CLSTN2: variants seen among roughly 807,000 people sequenced by gnomAD.
CLSTN2 encodes calsyntenin-2.
Under a neutral mutation model 101.2 loss-of-function variants are expected in CLSTN2, and 48 were observed. The observed-to-expected ratio is 0.47, with a 90% CI of 0.38 to 0.60. The LOEUF is 0.60. Ranked by LOEUF, CLSTN2 falls within the 20% of genes least tolerant of loss-of-function variation. CLSTN2 has a pLI of 0.00. For synonymous variants in CLSTN2, 481 were observed against 463.6 expected (o/e 1.04, Z -0.48); for missense variants, 1,160 against 1,238.2 (o/e 0.94, Z 0.95).
intron 9 of CLSTN2, among the ~76,000 whole-genome samples, 173 bp downstream of exon 9, chr3:140,532,659 A>G (rs10513119): frequency 0.057 from 8,685 of 152,320 alleles, 419 homozygotes; most frequent in East Asian, 0.15. Context: ...AACTAAACGT[A>G]TTGTATAATA....
chr3:139,942,943 A>G (rs1335882678), intron 1 of CLSTN2, among the ~76,000 whole-genome samples: 1 of 152,068 alleles, frequency 6.6e-6, no homozygotes, highest in African/African-American at 2.4e-5. Flanking sequence ...CTCTACTCAT[A>G]TCAGTCCTCC....
intron 2 of CLSTN2, among the ~76,000 whole-genome samples, chr3:140,328,349 C>T (rs2107927683): frequency 6.6e-6 from 1 of 152,344 alleles, no homozygotes; most frequent in South Asian, 2.1e-4. Context: ...GGCAGACTCA[C>T]CCTCCACACA....
intron 8 of CLSTN2, among the ~76,000 whole-genome samples, chr3:140,530,728 G>A (rs56810120): frequency 6.6e-6 from 1 of 152,208 alleles, no homozygotes; most frequent in East Asian, 1.9e-4. Context: ...AGGCCAGGAT[G>A]GGGGAGCCCC....
chr3:140,495,904 T>A (rs1934455685), intron 8 of CLSTN2, among the ~76,000 whole-genome samples: 1 of 152,222 alleles, frequency 6.6e-6, no homozygotes, highest in Admixed American at 6.5e-5. Context: ...GCATGATGCC[T>A]CCAGCTTTAT....
intron 7 of CLSTN2, among the ~76,000 whole-genome samples, chr3:140,465,854 G>T (rs147342158): frequency 3.5e-3 from 530 of 152,216 alleles, no homozygotes; most frequent in Admixed American, 6.3e-3. Flanking sequence ...TATGGAACAC[G>T]CGCCTCCTGG....
At chr3:140,339,449 C>T (rs573246442) in intron 2 of CLSTN2, among the ~76,000 whole-genome samples, 1 of 152,262 alleles carries the variant, frequency 6.6e-6, no homozygotes, top group East Asian at 1.9e-4. Flanking sequence ...CTCTTAGAAT[C>T]TCAAAGCTAG....
At chr3:140,333,366 CTG>C (rs2087407093) in intron 2 of CLSTN2, among the ~76,000 whole-genome samples, 1 of 152,128 alleles carries the variant, frequency 6.6e-6, no homozygotes, top group Admixed American at 6.5e-5. Context: ...GCGTGTCTCT[CTG>C]TAAAAGGGAT....
At chr3:140,442,248 C>T (rs773148850) in intron 5 of CLSTN2, among the ~76,000 whole-genome samples, 3 of 152,188 alleles carry the variant, frequency 2.0e-5, no homozygotes, top group Admixed American at 6.5e-5. Context: ...CAACCCTACA[C>T]ACCCCTTTTT....
At chr3:140,385,723 T>C (rs1034877595) in intron 2 of CLSTN2, among the ~76,000 whole-genome samples, 2 of 152,156 alleles carry the variant, frequency 1.3e-5, no homozygotes, top group South Asian at 2.1e-4. Flanking sequence ...GGGGCTTCTC[T>C]CTGCCTGAAG....
At chr3:140,140,955 A>C (rs1484615724) in intron 1 of CLSTN2, among the ~76,000 whole-genome samples, 1 of 152,212 alleles carries the variant, frequency 6.6e-6, no homozygotes, top group Non-Finnish European at 1.5e-5. Flanking sequence ...AAGACAAAAA[A>C]AATTCTAGTT....
In CLSTN2 at chr3:140,437,785, AT is replaced by A. The variant is rs573143245; in HGVS notation, c.788-10728del. On this transcript the variant is annotated intron_variant, in intron 5 of 16. Transcript: ENST00000458420. ...TTTAATGTAATTTTTAAAAATTATA[AT>A]TTTTTATCCTCATATGAAAATGTTT... 2.6e-5 allele frequency among the ~76,000 whole-genome samples: 4 copies of A among 152,374 alleles called. No individual in the cohort carries two copies. The East Asian group carries it at 7.7e-4, about 29-fold the overall frequency.
In CLSTN2 at chr3:140,054,277, T is replaced by C. The variant is rs182745868; in HGVS notation, c.109+118794T>C. On this transcript the variant is annotated intron_variant, in intron 1 of 16. Transcript: ENST00000458420. The stretch of plus-strand genomic sequence containing the variant: ...CTTCCTGAAGCCCAGAATCTTATAC[T>C]GTCATTTTTAAGATGCGTTTGCTTA... 3.2e-4 allele frequency among the ~76,000 whole-genome samples: 48 copies of C among 152,278 alleles called. No individual in the cohort carries two copies. The East Asian group carries it at 8.7e-3, about 28-fold the overall frequency.
Position 140,459,515 on chromosome 3 carries a change from C to T in CLSTN2, c.974-6C>T, listed in dbSNP as rs1444742438. On this transcript the variant is annotated splice_polypyrimidine_tract_variant and splice_region_variant and intron_variant, in intron 6 of 16. Coordinates refer to ENST00000458420, the MANE Select transcript of CLSTN2 (RefSeq NM_022131.3). ...CTGTTATCCTTTCTTTCCTGACCCT[C>T]TGCAGGAGCCTCCTCTGGCATCATT... The T allele has an allele frequency of 1.2e-6, 2 of 1,613,642 alleles. No individual in the cohort carries two copies. Among genetic ancestry groups the T allele is most frequent in the Non-Finnish European group, 1.7e-6 (2 of 1,179,600 alleles).
chr3:140,479,203 G>C (rs1043660685), intron 8 of CLSTN2, among the ~76,000 whole-genome samples: 1 of 152,134 alleles, frequency 6.6e-6, no homozygotes, highest in Admixed American at 6.5e-5. Flanking sequence ...AGAAGGGCTA[G>C]GTAAACATCT....
At chr3:140,516,829 T>C (rs892427473) in intron 8 of CLSTN2, among the ~76,000 whole-genome samples, 1 of 152,202 alleles carries the variant, frequency 6.6e-6, no homozygotes, top group Non-Finnish European at 1.5e-5. Flanking sequence ...CTTTTTGTGA[T>C]AAATTTCCAA....
chr3:140,455,771 A>G (rs888299043), intron 6 of CLSTN2, among the ~76,000 whole-genome samples: 1 of 152,260 alleles, frequency 6.6e-6, no homozygotes, highest in African/African-American at 2.4e-5. Context: ...AGAGACAGAA[A>G]AACCTTGGAG....
chr3:140,094,110 C>A (rs1306701212), intron 1 of CLSTN2, among the ~76,000 whole-genome samples: 1 of 152,210 alleles, frequency 6.6e-6, no homozygotes, highest in Admixed American at 6.5e-5. Flanking sequence ...CACTAATATC[C>A]TTTTCATTTC....
rs942442632 is a variant in CLSTN2 at position 140,572,313 on chromosome 3, G to C, written c.*6060G>C. 12 of 152,260 alleles carry C rather than the reference G, an allele frequency of 7.9e-5. No homozygotes were observed. The highest frequency in any genetic ancestry group is 2.9e-4 in the African/African-American group (12 of 41,474). The allele number at this position is 152,260 out of a possible 1,614,324, so 9.4% of individuals were successfully genotyped here. A position where few individuals can be genotyped will look rare whatever the true frequency, so the allele number is the denominator to read the frequency against. ...CTCAATTCCAATCAAGGCTGACTCA[G>C]TTCACTTATGGATGAAAGCCAGTTA... is the stretch of plus-strand genomic sequence containing the variant. On this transcript the variant is annotated 3_prime_UTR_variant, in exon 17 of 17. Coordinates refer to ENST00000458420, the MANE Select transcript of CLSTN2 (RefSeq NM_022131.3).
chr3:140,318,670 G>A (rs942148668), intron 2 of CLSTN2, among the ~76,000 whole-genome samples: 2 of 152,158 alleles, frequency 1.3e-5, no homozygotes, highest in South Asian at 2.1e-4. Context: ...AGAGTTCTAG[G>A]TACTTACCGT....
Sources: allele counts gnomAD v4.1 joint callset (sites outside exome capture counted in the v4.1 genomes callset), GRCh38; gene constraint gnomAD v4.1.1; transcripts MANE v1.5; gene names NCBI Gene and HGNC (gene_info 2026-07-23, HGNC 2026-07-21).